The following OTOF variants were observed in gnomAD, a reference collection of about 807,000 sequenced individuals.
OTOF encodes the protein otoferlin, also known as fer-1-like family member 2.
In OTOF, 218 loss-of-function variants were observed where a neutral mutation model predicts 236.8. That is an observed-to-expected ratio of 0.92 (90% confidence interval 0.82 to 1.03). OTOF has a LOEUF of 1.03. Among genes scored for constraint, OTOF ranks in the 50% least tolerant of loss-of-function variants. The pLI, the probability that OTOF is intolerant of heterozygous loss-of-function variation, is 0.00. For missense variants in OTOF, 2,590 were observed against 2,694.4 expected, an observed-to-expected ratio of 0.96 and a Z score of 0.86; for synonymous variants, 1,041 against 1,072.5, an observed-to-expected ratio of 0.97 and a Z score of 0.57.
In OTOF at chr2:26,519,023, T is replaced by C. The variant is rs201023798; in HGVS notation, c.314A>G (p.Asn105Ser). The C allele has an allele frequency of 3.7e-6, 6 of 1,606,712 alleles. No individual in the cohort carries two copies. Among genetic ancestry groups the C allele is most frequent in the South Asian group, 3.3e-5 (3 of 90,064 alleles). ...GGGCATACCCACCTTGATGATAGCA[T>C]TGTTGTCATCAATCAGCGTGTCAGT... ...EVTDTLIDDN[N>S]AIIKTSLCVE... Residue 105 changes from asparagine to serine, a missense_variant, in exon 4 of 47, where the codon AAT (asparagine) becomes AGT (serine). Transcript: ENST00000272371.
At chr2:26,544,324 T>C (rs528868173) in intron 1 of OTOF, among the ~76,000 whole-genome samples, 7 of 152,338 alleles carry the variant, frequency 4.6e-5, no homozygotes, top group African/African-American at 1.7e-4. Flanking sequence ...ACATGTTCTC[T>C]CATGTCCCTT....
chr2:26,517,969 A>G (rs1314882995), intron 4 of OTOF, among the ~76,000 whole-genome samples: 1 of 152,178 alleles, frequency 6.6e-6, no homozygotes, highest in Non-Finnish European at 1.5e-5. Context: ...GGGTGTCCAT[A>G]CATAGCTTAT....
intron 9 of OTOF, among the ~76,000 whole-genome samples, chr2:26,490,279 A>G (rs1665808387): frequency 6.6e-6 from 1 of 152,254 alleles, no homozygotes; most frequent in Non-Finnish European, 1.5e-5. Flanking sequence ...GGACATTGCC[A>G]TGAAGCCACA....
rs1319352847 is a variant in OTOF, at chr2:26,489,290, A to C, written c.966T>G (p.Ile322Met). 1 of 1,611,976 alleles carries C rather than the reference A, an allele frequency of 6.2e-7. No homozygotes were observed. The highest frequency in any genetic ancestry group is 1.7e-5 in the Admixed American group (1 of 59,954). The part of the protein sequence containing the change: ...MFDKIIKISV[I>M]HSKNLLRSGT... ...CACTGCGCAGCAGGTTCTTGGAGTG[A>C]ATCACCTTTCAGGCAGAACCACAGC... The change falls in exon 11 of 47, where the codon ATT (isoleucine) becomes ATG (methionine). Residue 322 changes from isoleucine to methionine, a missense_variant. By Grantham distance (10) the Ile-to-Met change is conservative. Coordinates refer to ENST00000272371, the MANE Select transcript of OTOF (RefSeq NM_194248.3).
intron 5 of OTOF, among the ~76,000 whole-genome samples, chr2:26,512,601 G>A (rs1226972111): frequency 1.3e-5 from 2 of 152,182 alleles, no homozygotes; most frequent in Admixed American, 6.5e-5. Context: ...GGAGGTGAGG[G>A]GAACTTTGAG....
At chr2:26,517,614 C>T (rs2148100290) in intron 4 of OTOF, among the ~76,000 whole-genome samples, 1 of 152,266 alleles carries the variant, frequency 6.6e-6, no homozygotes, top group South Asian at 2.1e-4. Context: ...CAAATGGGAC[C>T]CTCTTGGTGG....
rs766075720 is a variant in OTOF at position 26,479,621 on chromosome 2, G to T, written c.1945C>A (p.Arg649=). The change falls in exon 17 of 47, where the codon CGG becomes AGG. Residue 649 remains arginine, a synonymous_variant. Coordinates refer to ENST00000272371, the MANE Select transcript of OTOF (RefSeq NM_194248.3). ...NYGNEVDGLS[R]PQRPRPRKEP... ...TTCCGGGGCCGAGGCCGCTGGGGCC[G>T]GGACAGGCCATCAACTTCGTTCCCA... 2 of 1,612,634 alleles carry T rather than the reference G, an allele frequency of 1.2e-6. No homozygotes were observed. The highest frequency in any genetic ancestry group is 2.2e-5 in the South Asian group (2 of 91,068).
In OTOF at chr2:26,479,621, G is replaced by C. The variant is rs766075720; in HGVS notation, c.1945C>G (p.Arg649Gly). ...NYGNEVDGLS[R>G]PQRPRPRKEP... is the part of the protein sequence containing the mutation. The stretch of plus-strand genomic sequence containing the variant: ...TTCCGGGGCCGAGGCCGCTGGGGCC[G>C]GGACAGGCCATCAACTTCGTTCCCA... Residue 649 changes from arginine (R) to glycine (G), a missense_variant, in exon 17 of 47, where the codon CGG becomes GGG. Physicochemically the swap from Arg to Gly is moderately radical, Grantham distance 125 (BLOSUM62 -2). This residue lies in a region of OTOF where 1,379 missense variants were observed against 1,341.6 expected (regional missense o/e 1.03). Transcript: ENST00000272371. The C allele has an allele frequency of 1.6e-5, 26 of 1,612,634 alleles. No homozygotes were observed. The highest frequency in any genetic ancestry group is 1.9e-5 in the Non-Finnish European group (23 of 1,179,824).
intron 25 of OTOF, among the ~76,000 whole-genome samples, 185 bp downstream of exon 25, chr2:26,475,173 CT>C (rs1350926555): frequency 1.3e-5 from 2 of 152,092 alleles, no homozygotes; most frequent in African/African-American, 2.4e-5. Context: ...AGGGGTCAGG[CT>C]GCCGCAAGCA....
At chr2:26,517,695 G>T (rs993548975) in intron 4 of OTOF, among the ~76,000 whole-genome samples, 1 of 152,182 alleles carries the variant, frequency 6.6e-6, no homozygotes, top group African/African-American at 2.4e-5. Flanking sequence ...TGCTGGCCCT[G>T]CTGTCAACTG....
At chr2:26,532,211 T>C (rs1666967643) in intron 2 of OTOF, among the ~76,000 whole-genome samples, 1 of 151,236 alleles carries the variant, frequency 6.6e-6, no homozygotes, top group Non-Finnish European at 1.5e-5. Flanking sequence ...CACAGCAACA[T>C]GGCAAAGATG....
intron 1 of OTOF, among the ~76,000 whole-genome samples, chr2:26,557,371 C>T (rs1667618839): frequency 6.6e-6 from 1 of 152,186 alleles, no homozygotes; most frequent in South Asian, 2.1e-4. Flanking sequence ...TGAGAAGTAC[C>T]CCCAACCCTC....
chr2:26,489,873 G>A (rs1265282961), intron 9 of OTOF, 133 bp from the exon 10 acceptor site: 1 of 732,454 alleles, frequency 1.4e-6, no homozygotes, highest in African/African-American at 1.7e-5. Flanking sequence ...GTTCAGAGGA[G>A]CAGCAGAGGC....
At chr2:26,480,708 G>T in intron 15 of OTOF, 78 bp downstream of exon 15, 1 of 1,245,210 alleles carries the variant, frequency 8.0e-7, no homozygotes, top group Non-Finnish European at 1.2e-6. Flanking sequence ...AACAGGCAAA[G>T]CCTGGGACCC....
chr2:26,460,895 C>T lies in OTOF; in HGVS notation c.5669G>A (p.Trp1890Ter). The change falls in exon 44 of 47, where the codon TGG (tryptophan) becomes TAG (stop). Residue 1890 changes from tryptophan (W) to a stop codon, truncating the protein, a stop_gained. Coordinates refer to ENST00000272371, the MANE Select transcript of OTOF (RefSeq NM_194248.3). LOFTEE classifies it high-confidence loss of function. The surrounding 1 kb of genome is among the most constrained non-coding windows in gnomAD (Gnocchi z 5.3). ...GTTCTCATTGCGGGCCAGGAGGGGC[C>T]ACCAGCCTTTGACGCGCTTTTGCTT... ...IFKQKRVKGW[W>*]PLLARNENDE... is the part of the protein sequence containing the mutation. 1.9e-6 allele frequency: 3 copies of T among 1,614,184 alleles called. No homozygotes were observed. Among genetic ancestry groups the T allele is most frequent in the Non-Finnish European group, 2.5e-6 (3 of 1,180,024 alleles).
Position 26,473,106 on chromosome 2 carries a change from TG to T in OTOF, c.3733+25del, listed in dbSNP as rs1665074197. 1 of 1,604,866 alleles carries T rather than the reference TG, an allele frequency of 6.2e-7. No homozygotes were observed. Among genetic ancestry groups the T allele is most frequent in the Admixed American group, 1.7e-5 (1 of 59,852 alleles). On this transcript the variant is annotated intron_variant, in intron 29 of 46. Coordinates refer to ENST00000272371, the MANE Select transcript of OTOF (RefSeq NM_194248.3). The surrounding 1 kb of genome is among the most constrained non-coding windows in gnomAD (Gnocchi z 7.2). ...TCCCTGGGGGGCGTGGAGCCAGGCT[TG>T]GTGGCAGGGTGGATGTGGCCATACC...
Position 26,470,920 on chromosome 2 carries a change from C to T in OTOF, c.3895-199G>A, listed in dbSNP as rs145337638. Among the ~76,000 whole-genome samples, 6 of 152,184 alleles carry T rather than the reference C, an allele frequency of 3.9e-5. No individual in the cohort carries two copies. Among genetic ancestry groups the T allele is most frequent in the Non-Finnish European group, 8.8e-5 (6 of 68,026 alleles). On this transcript the variant is annotated intron_variant, in intron 31 of 46. Transcript: ENST00000272371. The surrounding 1 kb of genome is among the most constrained non-coding windows in gnomAD (Gnocchi z 4.3). ...CACAGAGTGTTGTGACCTGCCAGTG[C>T]GATCCACTCGCCCAAGCAGGACTGG... is the stretch of plus-strand genomic sequence containing the variant.
intron 2 of OTOF, 59 bp downstream of exon 2, chr2:26,537,657 G>A (rs1667105419): frequency 4.5e-6 from 6 of 1,332,890 alleles, no homozygotes; most frequent in Non-Finnish European, 5.3e-6. Context: ...AGGCAGCGAA[G>A]GGTGGCTGTT....
chr2:26,556,454 C>G (rs907909478), intron 1 of OTOF, among the ~76,000 whole-genome samples: 2 of 152,220 alleles, frequency 1.3e-5, no homozygotes, highest in African/African-American at 4.8e-5. Context: ...CCTATTCCTG[C>G]TGCCCAGCCC....
Sources: allele counts gnomAD v4.1 joint callset (sites outside exome capture counted in the v4.1 genomes callset), GRCh38; gene constraint gnomAD v4.1.1; regional missense constraint gnomAD v4.1.1; non-coding constraint Gnocchi (gnomAD v3.1); transcripts MANE v1.5; gene names NCBI Gene and HGNC (gene_info 2026-07-23, HGNC 2026-07-21).